ZNF804B: variants seen among roughly 807,000 people sequenced by gnomAD.
The protein encoded by ZNF804B is zinc finger 804B.
A neutral mutation model predicts 101.4 loss-of-function variants in ZNF804B; 80 were observed. The ratio of observed to expected loss-of-function variants is 0.79; its 90% CI spans 0.66 to 0.95. ZNF804B has a LOEUF of 0.95. Among genes scored for constraint, ZNF804B ranks in the 40% least tolerant of loss-of-function variants. ZNF804B has a pLI of 0.00. For synonymous variants in ZNF804B, 622 were observed against 558.8 expected, an observed-to-expected ratio of 1.11 and a Z score of -1.59; for missense variants, 1,673 against 1,561.9, an observed-to-expected ratio of 1.07 and a Z score of -1.20.
At chr7:88,921,478 T>A (rs889832171) in intron 1 of ZNF804B, among the ~76,000 whole-genome samples, 7 of 152,116 alleles carry the variant, frequency 4.6e-5, no homozygotes, top group African/African-American at 1.4e-4. Flanking sequence ...ACATTTCTAT[T>A]GTATGTACAA....
chr7:89,284,818 T>G lies in ZNF804B; in HGVS notation c.250-42526T>G, dbSNP rs117916922. 9.9e-5 allele frequency among the ~76,000 whole-genome samples: 15 copies of G among 152,082 alleles called. No individual in the cohort carries two copies. The East Asian group carries it at 2.9e-3, about 30-fold the overall frequency. On this transcript the variant is annotated intron_variant, in intron 2 of 3. Transcript: ENST00000333190. ...GGATGGTGTGATAATTTTAGAAACATTTTTGATTAAAAAAAAAATCAAGAT... is the reference window on the plus strand; with the variant it reads ...GGATGGTGTGATAATTTTAGAAACAGTTTTGATTAAAAAAAAAATCAAGAT...
Position 89,338,414 on chromosome 7 carries a change from A to T in ZNF804B, c.*1382A>T, listed in dbSNP as rs1191965655. ...ACAACTGTATTTTGAAATCAGTATT[A>T]TCATTCCTCATTACAGATAAGGAAA... is the stretch of plus-strand genomic sequence containing the variant. On this transcript the variant is annotated 3_prime_UTR_variant, in exon 4 of 4. Transcript: ENST00000333190. Among the ~76,000 whole-genome samples, 5 of 152,082 alleles carry T rather than the reference A, an allele frequency of 3.3e-5. No homozygotes were observed. The highest frequency in any genetic ancestry group is 1.3e-4 in the Admixed American group (2 of 15,262).
intron 1 of ZNF804B, among the ~76,000 whole-genome samples, chr7:88,766,732 TG>T (rs769141276): frequency 6.6e-6 from 1 of 152,230 alleles, no homozygotes; most frequent in Non-Finnish European, 1.5e-5. Context: ...TTCTTTCACA[TG>T]ACTTAGATCT....
intron 1 of ZNF804B, among the ~76,000 whole-genome samples, chr7:89,063,291 C>T (rs1326048739): frequency 6.6e-6 from 1 of 152,082 alleles, no homozygotes; most frequent in African/African-American, 2.4e-5. Context: ...CTGTGCAAGA[C>T]TTGGAAAACA....
intron 2 of ZNF804B, among the ~76,000 whole-genome samples, chr7:89,305,906 TA>T (rs1790555479): frequency 6.6e-6 from 1 of 152,000 alleles, no homozygotes; most frequent in East Asian, 1.9e-4. Context: ...TGATACTTTG[TA>T]AAGATACTAA....
At chr7:89,235,737 G>T (rs1789269302) in intron 2 of ZNF804B, among the ~76,000 whole-genome samples, 1 of 151,130 alleles carries the variant, frequency 6.6e-6, no homozygotes, top group Non-Finnish European at 1.5e-5. Flanking sequence ...AAAACCTGAT[G>T]ACCATATTAA....
chr7:89,295,526 G>A (rs1790368373), intron 2 of ZNF804B, among the ~76,000 whole-genome samples: 1 of 151,966 alleles, frequency 6.6e-6, no homozygotes, highest in African/African-American at 2.4e-5. Context: ...TTCCTGAAAT[G>A]ATCAAAACAA....
chr7:88,857,722 C>T (rs1461934288), intron 1 of ZNF804B, among the ~76,000 whole-genome samples: 1 of 151,432 alleles, frequency 6.6e-6, no homozygotes, highest in Non-Finnish European at 1.5e-5. Context: ...GAAAGTATTC[C>T]AATCAATAGA....
chr7:88,767,662 G>A (rs1790005003), intron 1 of ZNF804B, among the ~76,000 whole-genome samples: 1 of 152,116 alleles, frequency 6.6e-6, no homozygotes, highest in Non-Finnish European at 1.5e-5. Flanking sequence ...CATATTACTT[G>A]CATTCACATT....
chr7:89,218,331 T>A (rs1203333028), intron 2 of ZNF804B, 36 bp downstream of exon 2: 1 of 1,610,418 alleles, frequency 6.2e-7, no homozygotes, highest in Non-Finnish European at 8.5e-7. Flanking sequence ...CATATTCCTG[T>A]ATTTATACCT....
At chr7:89,163,190 T>C (rs1490735685) in intron 1 of ZNF804B, among the ~76,000 whole-genome samples, 6 of 152,268 alleles carry the variant, frequency 3.9e-5, no homozygotes, top group Non-Finnish European at 8.8e-5. Flanking sequence ...AAAGACATGA[T>C]GGAGAGTGTT....
chr7:88,916,352 T>C (rs1436044918), intron 1 of ZNF804B, among the ~76,000 whole-genome samples: 1 of 152,116 alleles, frequency 6.6e-6, no homozygotes, highest in Non-Finnish European at 1.5e-5. Context: ...TTAAATAAAA[T>C]TATGATTATA....
chr7:89,089,435 T>G (rs1789851357), intron 1 of ZNF804B, among the ~76,000 whole-genome samples: 1 of 152,050 alleles, frequency 6.6e-6, no homozygotes, highest in Non-Finnish European at 1.5e-5. Context: ...TATGTATATA[T>G]TAACCTTTGG....
At chr7:89,225,193 G>A (rs1054934205) in intron 2 of ZNF804B, among the ~76,000 whole-genome samples, 4 of 152,002 alleles carry the variant, frequency 2.6e-5, no homozygotes, top group African/African-American at 4.8e-5. Context: ...ATCAGTGGGG[G>A]TGTACCTTGT....
chr7:89,236,760 A>C (rs1789288854), intron 2 of ZNF804B, among the ~76,000 whole-genome samples: 1 of 152,188 alleles, frequency 6.6e-6, no homozygotes, highest in Admixed American at 6.5e-5. Context: ...TAAGGAAATG[A>C]ACATGGCTCA....
intron 1 of ZNF804B, among the ~76,000 whole-genome samples, chr7:88,843,342 A>C (rs1791314898): frequency 6.6e-6 from 1 of 152,176 alleles, no homozygotes; most frequent in African/African-American, 2.4e-5. Context: ...AACTTAAGTA[A>C]GTAGATCTAT....
intron 1 of ZNF804B, among the ~76,000 whole-genome samples, chr7:88,930,387 A>C (rs906132608): frequency 1.3e-5 from 2 of 152,000 alleles, no homozygotes; most frequent in Non-Finnish European, 2.9e-5. Flanking sequence ...AACCTCCAAC[A>C]ATTTAAAAGG....
intron 2 of ZNF804B, among the ~76,000 whole-genome samples, chr7:89,247,952 A>T (rs1410232459): frequency 5.3e-5 from 8 of 152,214 alleles, no homozygotes; most frequent in Admixed American, 5.2e-4. Context: ...GAATTTCAAA[A>T]TACAATGGAA....
At chr7:89,105,539 C>T (rs1268931058) in intron 1 of ZNF804B, among the ~76,000 whole-genome samples, 1 of 152,060 alleles carries the variant, frequency 6.6e-6, no homozygotes, top group Non-Finnish European at 1.5e-5. Context: ...GCCAGTCCAG[C>T]AAATCCAACT....
Sources: gnomAD v4.1 joint callset for allele counts (sites outside exome capture counted in the v4.1 genomes callset) on GRCh38, gnomAD v4.1.1 for gene constraint, MANE v1.5 for transcripts, NCBI Gene and HGNC (gene_info 2026-07-23, HGNC 2026-07-21) for gene names.